ST3GAL3: variants seen among roughly 807,000 people sequenced by gnomAD.
ST3GAL3 encodes the protein CMP-N-acetylneuraminate-beta-1,4-galactoside alpha-2,3-sialyltransferase.
ST3GAL3 carries 21 observed loss-of-function variants against 50.1 expected under a neutral mutation model. The observed-to-expected ratio is 0.42, with a 90% CI of 0.30 to 0.60. The LOEUF is 0.60. Among genes scored for constraint, ST3GAL3 ranks in the 20% least tolerant of loss-of-function variants. The pLI is 0.19. For synonymous variants in ST3GAL3, 183 were observed against 190.0 expected (o/e 0.96, Z 0.30); for missense variants, 353 against 489.4 (o/e 0.72, Z 2.63).
chr1:43,783,132 G>A (rs1264333204), intron 2 of ST3GAL3, among the ~76,000 whole-genome samples: 1 of 152,090 alleles, frequency 6.6e-6, no homozygotes, highest in Non-Finnish European at 1.5e-5. Flanking sequence ...GATTTAAGTA[G>A]GTTGCCCAAA....
chr1:43,761,191 G>A (rs1690194771), intron 2 of ST3GAL3, among the ~76,000 whole-genome samples: 1 of 152,194 alleles, frequency 6.6e-6, no homozygotes, highest in Admixed American at 6.5e-5. Context: ...TGTTGTTGGG[G>A]GTTTTGGGAG....
At chr1:43,793,995 G>C (rs1439952022) in intron 3 of ST3GAL3, among the ~76,000 whole-genome samples, 5 of 151,366 alleles carry the variant, frequency 3.3e-5, no homozygotes, top group African/African-American at 9.7e-5. Context: ...TAAGCAGGAG[G>C]ATCACTTGAG....
intron 9 of ST3GAL3, chr1:43,912,462 G>C (rs1300738586): frequency 6.6e-6 from 1 of 152,106 alleles, no homozygotes; most frequent in East Asian, 1.9e-4. Flanking sequence ...GCAGTGGAAA[G>C]CCACTGAAGA....
chr1:43,927,341 A>G (rs898476588), intron 11 of ST3GAL3, among the ~76,000 whole-genome samples: 1 of 152,164 alleles, frequency 6.6e-6, no homozygotes, highest in Non-Finnish European at 1.5e-5. Flanking sequence ...CAAAAACCAA[A>G]CCAAAACAAA....
chr1:43,838,084 C>G, intron 4 of ST3GAL3, 135 bp from the exon 5 acceptor site: 1 of 602,948 alleles, frequency 1.7e-6, no homozygotes, highest in Non-Finnish European at 2.8e-6. Flanking sequence ...CACTGCACTC[C>G]AGCCTGGGCA....
At chr1:43,881,860 T>A (rs148869073) in intron 5 of ST3GAL3, among the ~76,000 whole-genome samples, 381 of 152,276 alleles carry the variant, frequency 2.5e-3, no homozygotes, top group African/African-American at 8.7e-3. Flanking sequence ...GAGATCAAAG[T>A]GTCCATGAGG....
chr1:43,815,852 G>A (rs949959695), intron 4 of ST3GAL3, among the ~76,000 whole-genome samples: 5 of 152,028 alleles, frequency 3.3e-5, no homozygotes, highest in Admixed American at 6.6e-5. Context: ...GCGTATGTTT[G>A]TCAGGTGCCC....
intron 1 of ST3GAL3, among the ~76,000 whole-genome samples, chr1:43,713,886 T>C (rs998898712): frequency 1.3e-5 from 2 of 152,146 alleles, no homozygotes; most frequent in Non-Finnish European, 2.9e-5. Flanking sequence ...AACAAGGATA[T>C]GCATTTTAAG....
At position 43,899,647 on chromosome 1, in the gene ST3GAL3, C is replaced by A. The variant is rs199908871; in HGVS notation, c.664C>A (p.Arg222Ser). ...CATGCAGCGGCCTGAGCAGTACGAG[C>A]GCGATTCTCTCTTTGTCCTCGCCGG... Reference protein sequence around the residue: ...GAMQRPEQYERDSLFVLAGFK... With the variant: ...GAMQRPEQYESDSLFVLAGFK... Residue 222 changes from arginine (R) to serine (S), a missense_variant, in exon 9 of 12, where the codon CGC becomes AGC. By Grantham distance (110) the Arg-to-Ser change is moderately radical. Coordinates refer to ENST00000347631, the MANE Select transcript of ST3GAL3 (RefSeq NM_006279.5). The surrounding 1 kb of genome is among the most constrained non-coding windows in gnomAD (Gnocchi z 5.4). 6.2e-7 allele frequency: 1 copy of A among 1,614,024 alleles called. No homozygotes were observed. Among genetic ancestry groups the A allele is most frequent in the Admixed American group, 1.7e-5 (1 of 59,998 alleles).
At position 43,723,636 on chromosome 1, in the gene ST3GAL3, G is replaced by A. The variant is rs186966555; in HGVS notation, c.-30-12597G>A. On this transcript the variant is annotated intron_variant, in intron 1 of 11. Transcript: ENST00000347631. ...ATTTCTTTTTTCTTTTTTTTAGACA[G>A]AGTCTCACTCTGTTGCCCAGGATGG... Among the ~76,000 whole-genome samples the A allele has an allele frequency of 5.3e-3, 750 of 140,228 alleles. 10 individuals are homozygous for A. The highest frequency in any genetic ancestry group is 0.018 in the African/African-American group (721 of 39,604). 92.0% of individuals were successfully genotyped at this position (140,228 alleles called of 152,430 possible).
At chr1:43,834,903 A>G (rs28533013) in intron 4 of ST3GAL3, among the ~76,000 whole-genome samples, 1 of 152,210 alleles carries the variant, frequency 6.6e-6, no homozygotes, top group Non-Finnish European at 1.5e-5. Flanking sequence ...TTCTGATTCC[A>G]GATCTGATGC....
At chr1:43,917,617 T>TATA (rs1365248994) in intron 9 of ST3GAL3, among the ~76,000 whole-genome samples, 19 of 54,586 alleles carry the variant, frequency 3.5e-4, no homozygotes, top group Admixed American at 1.5e-3. Flanking sequence ...ATATTATATA[T>TATA]TATATTATAT....
At chr1:43,750,793 G>A (rs1291802593) in intron 2 of ST3GAL3, among the ~76,000 whole-genome samples, 1 of 151,696 alleles carries the variant, frequency 6.6e-6, no homozygotes, top group Non-Finnish European at 1.5e-5. Context: ...AGCTACTTAG[G>A]AGGCTCAGTG....
intron 3 of ST3GAL3, among the ~76,000 whole-genome samples, chr1:43,813,785 G>C (rs1485955695): frequency 1.3e-5 from 2 of 151,428 alleles, no homozygotes; most frequent in East Asian, 1.9e-4. Context: ...TTTTGGTCTT[G>C]GTATTCTGTT....
At chr1:43,880,276 A>G (rs2074881753) in intron 5 of ST3GAL3, among the ~76,000 whole-genome samples, 1 of 152,094 alleles carries the variant, frequency 6.6e-6, no homozygotes, top group East Asian at 1.9e-4. Context: ...TTTCCTATTC[A>G]TAAGTCCCTA....
chr1:43,817,424 T>TCC (rs1558434823), intron 4 of ST3GAL3, among the ~76,000 whole-genome samples: 5 of 2,878 alleles, frequency 1.7e-3, no homozygotes, highest in Non-Finnish European at 4.7e-3. Flanking sequence ...CTCCTTCTCC[T>TCC]TCTTCTCCTT....
chr1:43,885,817 T>C (rs1420285277), intron 5 of ST3GAL3, among the ~76,000 whole-genome samples: 1 of 152,124 alleles, frequency 6.6e-6, no homozygotes, highest in Non-Finnish European at 1.5e-5. Context: ...GTGGGAACAC[T>C]GGAGGAAGAA....
At chr1:43,717,531 C>G (rs961290445) in intron 1 of ST3GAL3, among the ~76,000 whole-genome samples, 5 of 144,366 alleles carry the variant, frequency 3.5e-5, no homozygotes, top group African/African-American at 1.3e-4. Flanking sequence ...TGGGGCCTTG[C>G]TCTGTTGCTT....
chr1:43,927,427 C>T (rs1435217456), intron 11 of ST3GAL3, among the ~76,000 whole-genome samples: 4 of 152,154 alleles, frequency 2.6e-5, no homozygotes, highest in African/African-American at 9.7e-5. Flanking sequence ...ACAGTAATTC[C>T]TTAATATCAT....
Sources: allele counts gnomAD v4.1 joint callset (sites outside exome capture counted in the v4.1 genomes callset), GRCh38; gene constraint gnomAD v4.1.1; non-coding constraint Gnocchi (gnomAD v3.1); transcripts MANE v1.5; gene names NCBI Gene and HGNC (gene_info 2026-07-23, HGNC 2026-07-21).